GYS2: variants seen among roughly 807,000 people sequenced by gnomAD.
GYS2 encodes the protein glycogen synthase 2.
Under a neutral mutation model 85.6 loss-of-function variants are expected in GYS2, and 80 were observed. The ratio of observed to expected loss-of-function variants is 0.93; its 90% CI spans 0.78 to 1.13. The LOEUF is 1.13. Among genes scored for constraint, GYS2 ranks in the 50% most tolerant of loss-of-function variants. The pLI is 0.00. For synonymous variants in GYS2, 328 were observed against 300.7 expected, an observed-to-expected ratio of 1.09 and a Z score of -0.94; for missense variants, 881 against 854.9, an observed-to-expected ratio of 1.03 and a Z score of -0.38.
intron 1 of GYS2, among the ~76,000 whole-genome samples, chr12:21,596,757 A>C (rs1944701372): frequency 6.6e-6 from 1 of 152,210 alleles, no homozygotes; most frequent in South Asian, 2.1e-4. Flanking sequence ...CAGGGCAATC[A>C]GACAAAACAA....
intron 15 of GYS2, 166 bp from the exon 16 acceptor site, chr12:21,537,341 A>G: frequency 4.6e-6 from 3 of 655,974 alleles, no homozygotes; most frequent in Non-Finnish European, 8.2e-6. Context: ...CAATCTCAAG[A>G]GGGATTCATT....
intron 8 of GYS2, 132 bp from the exon 9 acceptor site, chr12:21,559,842 A>G (rs1482897224): frequency 2.3e-5 from 16 of 691,742 alleles, no homozygotes; most frequent in Non-Finnish European, 3.0e-5. Context: ...TCTTTTTTAT[A>G]GTCTCTTCTA....
chr12:21,590,062 C>G (rs1944617606), intron 1 of GYS2, among the ~76,000 whole-genome samples: 1 of 152,122 alleles, frequency 6.6e-6, no homozygotes, highest in South Asian at 2.1e-4. Context: ...TATAAGCTCC[C>G]TAAGAAAATG....
chr12:21,561,405 T>C (rs559347351), intron 7 of GYS2, among the ~76,000 whole-genome samples: 3 of 152,292 alleles, frequency 2.0e-5, no homozygotes, highest in East Asian at 3.9e-4. Flanking sequence ...TACCGTCTAG[T>C]ATGCAGCCTC....
At chr12:21,603,037 T>C (rs1423674178) in intron 1 of GYS2, among the ~76,000 whole-genome samples, 2 of 152,058 alleles carry the variant, frequency 1.3e-5, no homozygotes, top group Non-Finnish European at 2.9e-5. Context: ...GGGATTCACA[T>C]GTGATAGAGA....
chr12:21,563,790 A>C (rs1468409770), intron 5 of GYS2, among the ~76,000 whole-genome samples: 3 of 152,172 alleles, frequency 2.0e-5, no homozygotes, highest in Non-Finnish European at 4.4e-5. Context: ...ACGCCGTCCA[A>C]GAACACACAG....
intron 1 of GYS2, among the ~76,000 whole-genome samples, chr12:21,585,001 C>T (rs893810312): frequency 6.6e-6 from 1 of 152,138 alleles, no homozygotes; most frequent in Non-Finnish European, 1.5e-5. Context: ...GGTGACAATA[C>T]TTTGCAGGCC....
intron 1 of GYS2, 143 bp from the exon 2 acceptor site, chr12:21,580,666 G>C (rs1177450946): frequency 1.4e-6 from 1 of 713,754 alleles, no homozygotes; most frequent in Non-Finnish European, 2.5e-6. Context: ...AAAAATAATA[G>C]TATTTGACAT....
At chr12:21,584,318 G>A (rs879664644) in intron 1 of GYS2, among the ~76,000 whole-genome samples, 31 of 142,378 alleles carry the variant, frequency 2.2e-4, no homozygotes, top group Admixed American at 1.3e-3. Flanking sequence ...GAAGAGGTAT[G>A]TGGATGGACC....
intron 11 of GYS2, among the ~76,000 whole-genome samples, chr12:21,551,983 A>G (rs1268839904): frequency 2.0e-5 from 3 of 152,216 alleles, no homozygotes; most frequent in African/African-American, 4.8e-5. Flanking sequence ...CCAGCCAAAC[A>G]GAATGACAGC....
At chr12:21,597,802 T>A (rs1375716162) in intron 1 of GYS2, among the ~76,000 whole-genome samples, 1 of 152,152 alleles carries the variant, frequency 6.6e-6, no homozygotes, top group Non-Finnish European at 1.5e-5. Context: ...TCAACCTAAG[T>A]GTCCATCAAT....
downstream of GYS2, among the ~76,000 whole-genome samples, chr12:21,535,553 C>T (rs896288402): frequency 1.3e-5 from 2 of 152,168 alleles, no homozygotes; most frequent in Non-Finnish European, 2.9e-5. Flanking sequence ...TTCCAGCTAT[C>T]TTCCATTTTT....
downstream of GYS2, among the ~76,000 whole-genome samples, chr12:21,534,539 AAGAAATAAAGAG>A (rs540276260): frequency 4.3e-3 from 653 of 152,060 alleles, no homozygotes; most frequent in Non-Finnish European, 6.8e-3. Flanking sequence ...AAAAGAAGGA[AAGAAATAAAGAG>A]AGAAAGGAAA....
chr12:21,577,160 G>T (rs1235089083), intron 2 of GYS2, among the ~76,000 whole-genome samples: 1 of 152,054 alleles, frequency 6.6e-6, no homozygotes, highest in Non-Finnish European at 1.5e-5. Flanking sequence ...ATAATTTAGT[G>T]TTTATCATGC....
chr12:21,586,563 C>T (rs142469996), intron 1 of GYS2, among the ~76,000 whole-genome samples: 3 of 151,870 alleles, frequency 2.0e-5, no homozygotes, highest in African/African-American at 4.8e-5. Flanking sequence ...GGCCAATAAA[C>T]GTCAAAAAAA....
chr12:21,540,632 C>T, intron 13 of GYS2, 59 bp from the exon 14 acceptor site: 1 of 1,447,834 alleles, frequency 6.9e-7, no homozygotes, highest in Non-Finnish European at 9.7e-7. Context: ...AACATTTGTT[C>T]TCCTGTGATT....
At chr12:21,600,401 T>C (rs956311063) in intron 1 of GYS2, among the ~76,000 whole-genome samples, 1 of 152,128 alleles carries the variant, frequency 6.6e-6, no homozygotes, top group Non-Finnish European at 1.5e-5. Context: ...GTGTTGAGAT[T>C]ACAGGTGTGA....
chr12:21,551,446 G>A (rs4567520), intron 11 of GYS2, among the ~76,000 whole-genome samples: 3 of 151,684 alleles, frequency 2.0e-5, no homozygotes, highest in African/African-American at 4.8e-5. Context: ...AAGACATAAA[G>A]AGGGCTGTTG....
chr12:21,543,027 G>A (rs1246426963), intron 12 of GYS2, among the ~76,000 whole-genome samples: 2 of 152,154 alleles, frequency 1.3e-5, no homozygotes, highest in African/African-American at 4.8e-5. Context: ...TGTTTTGGAT[G>A]CGACCAGCTT....
Sources: gnomAD v4.1 joint callset for allele counts (sites outside exome capture counted in the v4.1 genomes callset) on GRCh38, gnomAD v4.1.1 for gene constraint, MANE v1.5 for transcripts, NCBI Gene and HGNC (gene_info 2026-07-23, HGNC 2026-07-21) for gene names.